The following TAF1 variants were observed in gnomAD, a reference collection of about 807,000 sequenced individuals.
TAF1 encodes the protein transcription initiation factor TFIID subunit 1.
Under a neutral mutation model 138.5 loss-of-function variants are expected in TAF1, and 2 were observed. That is an observed-to-expected ratio of 0.01 (90% CI 0.01 to 0.05). The LOEUF is 0.05. TAF1 is among the 10% of genes least tolerant of loss of function. TAF1 has a pLI of 1.00. For missense variants in TAF1, 709 were observed against 1,478.0 expected (o/e 0.48, Z 8.53); for synonymous variants, 437 against 503.2 (o/e 0.87, Z 1.76).
intron 13 of TAF1, among the ~76,000 whole-genome samples, chrX:71,497,030 T>C (rs2039409926): frequency 8.9e-6 from 1 of 112,318 alleles, no homozygotes; most frequent in African/African-American, 3.2e-5. Flanking sequence ...TTTATTCTTT[T>C]TCCCTTTCCC....
At chrX:71,418,761 ATT>A (rs1259701142) in intron 28 of TAF1, among the ~76,000 whole-genome samples, 2 of 70,644 alleles carry the variant, frequency 2.8e-5, no homozygotes. Context: ...CAGTATGGAG[ATT>A]TTTTTTTTTT....
intron 24 of TAF1, among the ~76,000 whole-genome samples, chrX:71,399,805 C>A (rs1398748053): frequency 9.2e-6 from 1 of 108,825 alleles, no homozygotes; most frequent in Non-Finnish European, 1.9e-5. Flanking sequence ...CATCTCAGCT[C>A]CCTGCAACCT....
chrX:71,422,461 G>C (rs920561600), intron 29 of TAF1, among the ~76,000 whole-genome samples: 5 of 108,028 alleles, frequency 4.6e-5, no homozygotes, highest in Admixed American at 1.0e-4. Context: ...GACCACAGGC[G>C]TGTGCCACCA....
chrX:71,401,376 G>A, intron 24 of TAF1, 152 bp from the exon 25 acceptor site: 1 of 630,933 alleles, frequency 1.6e-6, no homozygotes, highest in Non-Finnish European at 2.4e-6. Flanking sequence ...TGTATATATG[G>A]GCTTCACTAT....
chrX:71,396,880 C>G (rs2034882106), intron 22 of TAF1, among the ~76,000 whole-genome samples: 1 of 108,677 alleles, frequency 9.2e-6, no homozygotes, highest in Non-Finnish European at 1.9e-5. Context: ...AAAAATTTAG[C>G]TGGGTGTGGT....
Position 71,392,725 on chromosome X carries a change from T to C in TAF1, c.2931+7T>C, listed in dbSNP as rs762915085. The C allele has an allele frequency of 1.7e-6, 2 of 1,190,606 alleles. No homozygotes were observed. The highest frequency in any genetic ancestry group is 5.9e-5 in the East Asian group (2 of 33,679). On this transcript the variant is annotated splice_region_variant and intron_variant, in intron 19 of 37. Transcript: ENST00000423759. ...CAAACCAACACAGCAGAAGGTGAGA[T>C]TGTGTTTATTTCTAGAATGAAAAAG... is the stretch of plus-strand genomic sequence containing the variant.
At chrX:71,510,462 C>T (rs778435165) in intron 13 of TAF1, among the ~76,000 whole-genome samples, 1 of 112,031 alleles carries the variant, frequency 8.9e-6, no homozygotes, top group South Asian at 3.7e-4. Flanking sequence ...GGGCTCATAA[C>T]ATGGACATTC....
rs540021865 is a variant in TAF1, at chrX:71,508,766, G to A, written c.1367-19776G>A. The stretch of plus-strand genomic sequence containing the variant: ...TGTGTGTGTGTGTGTGTGTGTGCGC[G>A]CATATGCATAGGAAGTAATTACAAG... On this transcript the variant is annotated intron_variant and NMD_transcript_variant, in intron 13 of 14. Transcript: ENST00000373775. Among the ~76,000 whole-genome samples the A allele has an allele frequency of 4.0e-4, 43 of 107,208 alleles. No individual in the cohort carries two copies. In the South Asian group the frequency reaches 0.015, roughly 37 times the overall value. The allele number at this position is 107,208 out of a possible 115,157, so 93.1% of individuals were successfully genotyped here.
intron 28 of TAF1, among the ~76,000 whole-genome samples, chrX:71,418,712 C>G (rs1461926796): frequency 9.2e-6 from 1 of 108,235 alleles, no homozygotes; most frequent in Non-Finnish European, 1.9e-5. Context: ...GGAGATAGGT[C>G]AGATAGTTCA....
chrX:71,480,152 G>A (rs1302426347), intron 13 of TAF1, among the ~76,000 whole-genome samples: 1 of 111,606 alleles, frequency 9.0e-6, no homozygotes, highest in Non-Finnish European at 1.9e-5. Context: ...TTGAGCCCAG[G>A]AGTTTGAGGC....
intron 32 of TAF1, among the ~76,000 whole-genome samples, chrX:71,438,913 G>A (rs1389760390): frequency 8.9e-6 from 1 of 112,079 alleles, no homozygotes; most frequent in African/African-American, 3.2e-5. Context: ...AGAGGTTGCA[G>A]TGAGCCAAGA....
In TAF1 at chrX:71,458,259, A is replaced by G; in HGVS notation, c.4957A>G (p.Thr1653Ala). The G allele has an allele frequency of 8.3e-7, 1 of 1,211,789 alleles. No individual in the cohort carries two copies. The highest frequency in any genetic ancestry group is 1.1e-6 in the Non-Finnish European group (1 of 895,399). The part of the protein sequence containing the change: ...YTPQPPDLYD[T>A]NTSLSMSRDA... ...GCCACAGCCTCCTGATTTGTATGAT[A>G]CCAACACATCCCTCAGTATGTCTCG... The change falls in exon 35 of 38, where the codon ACC becomes GCC. Residue 1653 changes from threonine to alanine, a missense_variant. Physicochemically the swap from Thr to Ala is moderately conservative, Grantham distance 58. Transcript: ENST00000423759.
chrX:71,401,397 T>G, intron 24 of TAF1, 131 bp from the exon 25 acceptor site: 1 of 759,686 alleles, frequency 1.3e-6, no homozygotes. Context: ...GTGTGGATTT[T>G]GGTATACTTG....
intron 13 of TAF1, among the ~76,000 whole-genome samples, chrX:71,500,915 A>G (rs2039492308): frequency 9.1e-6 from 1 of 109,439 alleles, no homozygotes; most frequent in Non-Finnish European, 1.9e-5. Context: ...AATACAAAAA[A>G]TTGCCAGATG....
intron 32 of TAF1, among the ~76,000 whole-genome samples, chrX:71,428,753 T>C (rs1484122713): frequency 1.8e-5 from 2 of 112,011 alleles, no homozygotes; most frequent in African/African-American, 3.2e-5. Context: ...ATAAGCTCTT[T>C]TTTGGAAAAC....
At chrX:71,516,114 T>C (rs1400914397) in intron 13 of TAF1, among the ~76,000 whole-genome samples, 1 of 110,066 alleles carries the variant, frequency 9.1e-6, no homozygotes, top group Non-Finnish European at 1.9e-5. Flanking sequence ...CAGGCGGAAG[T>C]GCAACGGTGC....
At chrX:71,476,626 G>C (rs1352839637) in intron 13 of TAF1, among the ~76,000 whole-genome samples, 2 of 108,187 alleles carry the variant, frequency 1.8e-5, no homozygotes, top group African/African-American at 6.7e-5. Context: ...CTGGGCAACA[G>C]AGTGAGACCC....
chrX:71,509,226 CTAAGA>C (rs1209543870), intron 13 of TAF1, among the ~76,000 whole-genome samples: 8 of 111,713 alleles, frequency 7.2e-5, no homozygotes, highest in Admixed American at 1.9e-4. Flanking sequence ...AGTGTGAAGT[CTAAGA>C]TTAGAAGAGG....
intron 29 of TAF1, among the ~76,000 whole-genome samples, chrX:71,422,074 T>G (rs1443903781): frequency 8.9e-6 from 1 of 112,123 alleles, no homozygotes; most frequent in Non-Finnish European, 1.9e-5. Flanking sequence ...TAAAATGAAT[T>G]TATTGGGTTA....
Sources: allele counts gnomAD v4.1 joint callset (sites outside exome capture counted in the v4.1 genomes callset), GRCh38; gene constraint gnomAD v4.1.1; transcripts MANE v1.5; gene names NCBI Gene and HGNC (gene_info 2026-07-23, HGNC 2026-07-21).